Variants in R3HDM2 observed in about 807,000 individuals in gnomAD.
The protein encoded by R3HDM2 is R3H domain containing 2, also known as R3H domain-containing protein 2.
A neutral mutation model predicts 124.5 loss-of-function variants in R3HDM2; 38 were observed. The observed-to-expected ratio is 0.31, with a 90% CI of 0.24 to 0.40. The LOEUF (loss-of-function observed/expected upper bound fraction) is 0.40, where lower values mean the gene tolerates loss of function less well. R3HDM2 is among the 10% of genes least tolerant of loss of function. The probability of loss-of-function intolerance (pLI) is 1.00; values close to 1 mark genes in which losing one functional copy is unlikely to be tolerated. For missense variants in R3HDM2, 869 were observed against 1,236.9 expected (o/e 0.70, Z 4.46); for synonymous variants, 391 against 448.0 (o/e 0.87, Z 1.61).
chr12:57,349,489 A>G (rs887594643), intron 2 of R3HDM2, among the ~76,000 whole-genome samples: 1 of 150,958 alleles, frequency 6.6e-6, no homozygotes, highest in Non-Finnish European at 1.5e-5. Flanking sequence ...CATGCAGTTA[A>G]TTCCATCCAT....
chr12:57,280,398 G>A lies in R3HDM2; in HGVS notation c.1304C>T (p.Pro435Leu). The A allele has an allele frequency of 6.2e-7, 1 of 1,614,104 alleles. No individual in the cohort carries two copies. Among genetic ancestry groups the A allele is most frequent in the Non-Finnish European group, 8.5e-7 (1 of 1,179,962 alleles). Residue 435 changes from proline (P) to leucine (L), a missense_variant, in exon 14 of 24, where the codon CCT (proline) becomes CTT (leucine). Around this residue, in one of 2 missense-constraint regions of R3HDM2, gnomAD observed 602 missense variants for 789.2 expected, o/e 0.76. Transcript: ENST00000402412. The stretch of plus-strand genomic sequence containing the variant: ...ATTATTCAAGGGTGGCTGTTGCTGA[G>A]GCGTGGGTGGGAGAGCAGGAAGTTG... ...QQQLPALPPT[P>L]QQQPPLNNHM...
chr12:57,430,828 G>A lies in R3HDM2; in HGVS notation c.-214C>T, dbSNP rs1050283223. ...ACGGCCGGCGGCGGCGCGCTTCTGG[G>A]GGCGGGCTTTTCTCGGCCGGGGCTT... On this transcript the variant is annotated 5_prime_UTR_variant, in exon 1 of 24. Transcript: ENST00000402412. The A allele has an allele frequency of 4.7e-5, 7 of 149,040 alleles. No individual in the cohort carries two copies. Among genetic ancestry groups the A allele is most frequent in the African/African-American group, 1.7e-4 (7 of 40,946 alleles). 9.2% of individuals were successfully genotyped at this position (149,040 alleles called of 1,614,324 possible).
Position 57,296,772 on chromosome 12 carries a change from G to C in R3HDM2, c.561-221C>G, listed in dbSNP as rs1408092604. On this transcript the variant is annotated intron_variant, in intron 8 of 23. Transcript: ENST00000402412. This position sits in a 1 kb window ranked among gnomAD's most constrained non-coding sequence, Gnocchi z 4.5. Reference sequence around the variant, plus strand: ...TACTATGACCTACTTTCCTCATTAAGACTACTCATTGCTGGGTGCAGTGGC... The same window carrying C: ...TACTATGACCTACTTTCCTCATTAACACTACTCATTGCTGGGTGCAGTGGC... The C allele has an allele frequency of 4.1e-6, 2 of 491,754 alleles. No individual in the cohort carries two copies. The highest frequency in any genetic ancestry group is 7.4e-5 in the East Asian group (2 of 27,102). 30.5% of individuals were successfully genotyped at this position (491,754 alleles called of 1,614,324 possible).
chr12:57,254,630 G>T lies in R3HDM2; in HGVS notation c.*143C>A. ...GTCCAATGCCAGTGTAGGTATCTGT[G>T]TTTCCATCTTCATCACTGTCTTAGG... On this transcript the variant is annotated 3_prime_UTR_variant, in exon 24 of 24. Coordinates refer to ENST00000402412, the MANE Select transcript of R3HDM2 (RefSeq NM_001394031.1). 1 of 726,738 alleles carries T rather than the reference G, an allele frequency of 1.4e-6. No homozygotes were observed. The highest frequency in any genetic ancestry group is 2.2e-6 in the Non-Finnish European group (1 of 463,056). The allele number at this position is 726,738 out of a possible 1,614,324, so 45.0% of individuals were successfully genotyped here.
In R3HDM2 at chr12:57,382,541, C is replaced by CAA. The variant is rs1222419669; in HGVS notation, c.-36+13206_-36+13207dup. 4.0e-3 allele frequency among the ~76,000 whole-genome samples: 160 copies of CAA among 40,032 alleles called. 1 individual carries two copies. Among genetic ancestry groups the CAA allele is most frequent in the South Asian group, 0.024 (27 of 1,134 alleles). The allele number at this position is 40,032 out of a possible 152,430, so 26.3% of individuals were successfully genotyped here. On this transcript the variant is annotated intron_variant, in intron 2 of 23. Coordinates refer to ENST00000402412, the MANE Select transcript of R3HDM2 (RefSeq NM_001394031.1). ...GGATGAAAGGCGTGAGCCCAGCCTA[C>CAA]AAAAAAAAAAAAAAAAAAAAAGGGC...
chr12:57,411,847 C>A (rs1042591951), intron 1 of R3HDM2, among the ~76,000 whole-genome samples: 2 of 152,170 alleles, frequency 1.3e-5, no homozygotes. Flanking sequence ...ATTGTAATAC[C>A]TGGGTGTTGA....
At chr12:57,297,874 A>G (rs2050225118) in intron 7 of R3HDM2, 1 of 566,466 alleles carries the variant, frequency 1.8e-6, no homozygotes, top group Non-Finnish European at 3.1e-6. Flanking sequence ...TTCTTCTTTC[A>G]CAGAAGTTTT....
In R3HDM2 at chr12:57,300,617, C is replaced by T. The variant is rs114030725; in HGVS notation, c.208-436G>A. On this transcript the variant is annotated intron_variant, in intron 4 of 23. Transcript: ENST00000402412. ...CCCTGAGCAAATTACCTGACCTCTCCAGGTCTCTGTTTTTCCTCAGGAAAA... is the reference window on the plus strand; with the variant it reads ...CCCTGAGCAAATTACCTGACCTCTCTAGGTCTCTGTTTTTCCTCAGGAAAA... Among the ~76,000 whole-genome samples the T allele has an allele frequency of 2.0e-3, 302 of 152,310 alleles. 2 individuals carry two copies. Among genetic ancestry groups the T allele is most frequent in the African/African-American group, 6.8e-3 (284 of 41,558 alleles).
At chr12:57,350,613 A>G (rs923121254) in intron 2 of R3HDM2, among the ~76,000 whole-genome samples, 2 of 152,158 alleles carry the variant, frequency 1.3e-5, no homozygotes, top group Non-Finnish European at 2.9e-5. Context: ...AGATGGGGCA[A>G]CAGAGCAAGA....
At chr12:57,355,483 AAAAAG>A (rs2061178381) in intron 2 of R3HDM2, among the ~76,000 whole-genome samples, 2 of 151,658 alleles carry the variant, frequency 1.3e-5, no homozygotes, top group African/African-American at 4.8e-5. Flanking sequence ...GAAAGAAAAA[AAAAAG>A]AAAGAAACAC....
At position 57,269,160 on chromosome 12, in the gene R3HDM2, T is replaced by C. The variant is rs573895030; in HGVS notation, c.1715-78A>G. ...ACTCTATCTGTAATTTCCTTCTCCATTCTATTTTATCTTTCTTTTTCTGGA... is the reference window on the plus strand; with the variant it reads ...ACTCTATCTGTAATTTCCTTCTCCACTCTATTTTATCTTTCTTTTTCTGGA... On this transcript the variant is annotated intron_variant, in intron 16 of 23. Transcript: ENST00000402412. 3.0e-4 allele frequency: 471 copies of C among 1,572,844 alleles called. 1 individual carries two copies. The highest frequency in any genetic ancestry group is 3.8e-4 in the Non-Finnish European group (441 of 1,153,618).
chr12:57,394,905 A>G (rs894619737), intron 2 of R3HDM2, among the ~76,000 whole-genome samples: 4 of 152,194 alleles, frequency 2.6e-5, no homozygotes, highest in African/African-American at 9.6e-5. Context: ...AAAACATTTT[A>G]TCTACTTTAT....
At chr12:57,413,958 G>A (rs888008771) in intron 1 of R3HDM2, among the ~76,000 whole-genome samples, 12 of 142,420 alleles carry the variant, frequency 8.4e-5, no homozygotes, top group Non-Finnish European at 1.8e-4. Context: ...TGATTCTCCC[G>A]CCTCAGCCTC....
intron 4 of R3HDM2, among the ~76,000 whole-genome samples, chr12:57,301,009 C>T (rs928576512): frequency 6.6e-6 from 1 of 151,914 alleles, no homozygotes; most frequent in South Asian, 2.1e-4. Context: ...GAGGCTGAGG[C>T]GGGAGAATTG....
intron 2 of R3HDM2, among the ~76,000 whole-genome samples, chr12:57,384,326 C>A (rs1225446027): frequency 4.0e-5 from 6 of 150,886 alleles, no homozygotes; most frequent in Admixed American, 6.6e-5. Context: ...TGCACTCCAG[C>A]CTGGGTGACA....
chr12:57,294,093 C>T (rs912957488), intron 10 of R3HDM2, among the ~76,000 whole-genome samples: 1 of 152,190 alleles, frequency 6.6e-6, no homozygotes. Context: ...AACCCCCATC[C>T]TCATTGGGTT....
chr12:57,425,899 A>T (rs1594682771), intron 1 of R3HDM2, among the ~76,000 whole-genome samples: 1 of 152,094 alleles, frequency 6.6e-6, no homozygotes, highest in Non-Finnish European at 1.5e-5. Context: ...TAGCCGGAAG[A>T]TCAATGGAGG....
chr12:57,305,789 T>C (rs1332743345), intron 3 of R3HDM2: 1 of 394,044 alleles, frequency 2.5e-6, no homozygotes, highest in Non-Finnish European at 4.5e-6. Flanking sequence ...CATAGATTCA[T>C]ACATTTACAG....
chr12:57,372,832 A>C (rs2063538808), intron 2 of R3HDM2, among the ~76,000 whole-genome samples: 1 of 152,194 alleles, frequency 6.6e-6, no homozygotes, highest in South Asian at 2.1e-4. Flanking sequence ...ATGCAAACAC[A>C]AGAGTCACAC....
Sources: allele counts gnomAD v4.1 joint callset (sites outside exome capture counted in the v4.1 genomes callset), GRCh38; gene constraint gnomAD v4.1.1; regional missense constraint gnomAD v4.1.1; non-coding constraint Gnocchi (gnomAD v3.1); transcripts MANE v1.5; gene names NCBI Gene and HGNC (gene_info 2026-07-23, HGNC 2026-07-21).